Variants in ZNF223 observed in about 807,000 individuals in gnomAD.
The protein encoded by ZNF223 is zinc finger protein 223, also known as Homo sapiens zinc finger protein 223.
In ZNF223, 9 loss-of-function variants were observed where a neutral mutation model predicts 12.3. The observed-to-expected ratio is 0.73, with a 90% CI of 0.44 to 1.28. The LOEUF (loss-of-function observed/expected upper bound fraction) is 1.28. Ranked by LOEUF, ZNF223 falls within the 50% of genes most tolerant of loss-of-function variation. The pLI, the probability that ZNF223 is intolerant of heterozygous loss-of-function variation, is 0.00. For missense variants in ZNF223, 506 were observed against 579.0 expected (o/e 0.87, Z 1.29); for synonymous variants, 171 against 195.2 (o/e 0.88, Z 1.03).
rs1434331732 is a variant in ZNF223, at chr19:44,060,343, T to A, written c.16-112T>A. Reference sequence around the variant, plus strand: ...TGGGAATTCTATAAGTTGACCTACATCTCTGAAGATCCTGAAAAACTTTCC... The same window carrying A: ...TGGGAATTCTATAAGTTGACCTACAACTCTGAAGATCCTGAAAAACTTTCC... On this transcript the variant is annotated intron_variant, in intron 2 of 4. Coordinates refer to ENST00000434772, the MANE Select transcript of ZNF223 (RefSeq NM_013361.6). 4 of 1,506,048 alleles carry A rather than the reference T, an allele frequency of 2.7e-6. No individual in the cohort carries two copies. In the East Asian group the frequency reaches 9.1e-5, roughly 34 times the overall value. The allele number at this position is 1,506,048 out of a possible 1,614,324, so 93.3% of individuals were successfully genotyped here.
chr19:44,059,987 T>G (rs996929836), intron 2 of ZNF223, among the ~76,000 whole-genome samples: 2 of 152,114 alleles, frequency 1.3e-5, no homozygotes, highest in Non-Finnish European at 2.9e-5. Context: ...GAACCGCAAA[T>G]TACCAACAGG....
chr19:44,052,528 G>A (rs1976714873), intron 1 of ZNF223, among the ~76,000 whole-genome samples: 1 of 152,148 alleles, frequency 6.6e-6, no homozygotes, highest in South Asian at 2.1e-4. Flanking sequence ...TTGGTGAGTG[G>A]TCTCTTGTTG....
At chr19:44,062,893 A>G (rs1976860293) in intron 4 of ZNF223, among the ~76,000 whole-genome samples, 1 of 152,170 alleles carries the variant, frequency 6.6e-6, no homozygotes, top group Admixed American at 6.5e-5. Flanking sequence ...AGAGGACACA[A>G]GTTATGTAGC....
At chr19:44,060,406 C>A in intron 2 of ZNF223, 49 bp from the exon 3 acceptor site, 1 of 1,606,064 alleles carries the variant, frequency 6.2e-7, no homozygotes, top group Non-Finnish European at 8.5e-7. Context: ...CCTTCTCTCC[C>A]AGTAACCATT....
Position 44,066,896 on chromosome 19 carries a change from C to T in ZNF223, c.1068C>T (p.Ser356=). Residue 356 remains serine (S), a synonymous_variant, in exon 5 of 5, where the codon TCC becomes TCT. Coordinates refer to ENST00000434772, the MANE Select transcript of ZNF223 (RefSeq NM_013361.6). ...AATGTGGGAAGAGCTTCAGACGGTC[C>T]TCCTATCTTTTGATCCATCAGCGAG... The part of the protein sequence containing the change: ...CKECGKSFRR[S]SYLLIHQRVH... The T allele has an allele frequency of 6.2e-7, 1 of 1,614,042 alleles. No individual in the cohort carries two copies. The highest frequency in any genetic ancestry group is 2.2e-5 in the East Asian group (1 of 44,872).
chr19:44,052,333 G>C (rs1350107622), intron 1 of ZNF223, 138 bp downstream of exon 1: 1 of 152,152 alleles, frequency 6.6e-6, no homozygotes, highest in Non-Finnish European at 1.5e-5. Context: ...CTTTGACCTC[G>C]CTCAGTCCGC....
intron 2 of ZNF223, among the ~76,000 whole-genome samples, chr19:44,059,056 T>G (rs1976804346): frequency 6.6e-6 from 1 of 152,182 alleles, no homozygotes; most frequent in Non-Finnish European, 1.5e-5. Flanking sequence ...AAGGCTCAGG[T>G]GCACACAGCA....
intron 2 of ZNF223, among the ~76,000 whole-genome samples, chr19:44,056,146 C>G (rs534858414): frequency 1.2e-4 from 18 of 152,112 alleles, no homozygotes; most frequent in African/African-American, 3.4e-4. Flanking sequence ...ACTCATTGTT[C>G]CAAGTACCCA....
chr19:44,064,459 A>G (rs980118498), intron 4 of ZNF223, among the ~76,000 whole-genome samples: 1 of 152,194 alleles, frequency 6.6e-6, no homozygotes, highest in Non-Finnish European at 1.5e-5. Flanking sequence ...CAAAACAGAA[A>G]AATAAGATTA....
chr19:44,059,445 G>A (rs931450461), intron 2 of ZNF223, among the ~76,000 whole-genome samples: 3 of 152,140 alleles, frequency 2.0e-5, no homozygotes, highest in Non-Finnish European at 2.9e-5. Flanking sequence ...GAAGGATGCT[G>A]GTGTGGTTTA....
chr19:44,066,294 TC>T lies in ZNF223; in HGVS notation c.468del (p.Phe157SerfsTer139), dbSNP rs1323238029. On this transcript the variant is annotated frameshift_variant, in exon 5 of 5. Transcript: ENST00000434772. LOFTEE classifies it low-confidence loss of function (END_TRUNC). ...KPSNCGKCKQ[S>X]FSDMSIFDLP... ...TTCCAATTGTGGGAAGTGTAAACAA[TC>T]CTTCAGTGATATGTCCATCTTTGAT... is the stretch of plus-strand genomic sequence containing the variant. 2 of 1,614,164 alleles carry T rather than the reference TC, an allele frequency of 1.2e-6. No individual in the cohort carries two copies. Among genetic ancestry groups the T allele is most frequent in the Admixed American group, 3.3e-5 (2 of 60,020 alleles).
At chr19:44,058,236 G>A (rs561416853) in intron 2 of ZNF223, among the ~76,000 whole-genome samples, 80 of 152,260 alleles carry the variant, frequency 5.3e-4, no homozygotes, top group African/African-American at 1.8e-3. Flanking sequence ...GCTGGGTGGG[G>A]TCTGCACCCC....
At chr19:44,064,171 T>C (rs1033110073) in intron 4 of ZNF223, among the ~76,000 whole-genome samples, 5 of 152,216 alleles carry the variant, frequency 3.3e-5, no homozygotes, top group East Asian at 1.9e-4. Flanking sequence ...CACACTGTGA[T>C]AATTTTCATT....
intron 4 of ZNF223, 85 bp from the exon 5 acceptor site, chr19:44,065,979 T>A (rs920442612): frequency 1.2e-5 from 18 of 1,504,758 alleles, no homozygotes; most frequent in Non-Finnish European, 1.3e-5. Flanking sequence ...TCGTTGAAGT[T>A]TCATACCATG....
intron 4 of ZNF223, among the ~76,000 whole-genome samples, chr19:44,062,464 G>T (rs774104371): frequency 7.9e-5 from 12 of 152,072 alleles, no homozygotes; most frequent in Middle Eastern, 3.4e-3. Context: ...TTTATGTCCT[G>T]TTGGTTGAAT....
In ZNF223 at chr19:44,052,057, T is replaced by C. The variant is rs1472614561; in HGVS notation, c.-207T>C. On this transcript the variant is annotated 5_prime_UTR_variant, in exon 1 of 5. It removes an upstream start codon present in the reference 5' UTR. Transcript: ENST00000434772. ...TCCTAGTCTGAGGTTCCTGCTTTAATGACCGGGGTAGTTTGAGCCATTTCT... is the reference window on the plus strand; with the variant it reads ...TCCTAGTCTGAGGTTCCTGCTTTAACGACCGGGGTAGTTTGAGCCATTTCT... The C allele has an allele frequency of 6.6e-6, 1 of 152,326 alleles. No individual in the cohort carries two copies. Among genetic ancestry groups the C allele is most frequent in the African/African-American group, 2.4e-5 (1 of 41,442 alleles). The allele number at this position is 152,326 out of a possible 1,614,324, so 9.4% of individuals were successfully genotyped here. A position where few individuals can be genotyped will look rare whatever the true frequency, so the allele number is the denominator to read the frequency against.
chr19:44,063,357 A>G (rs4444434), intron 4 of ZNF223: 123,763 of 152,262 alleles, frequency 0.81, 50,814 homozygotes, highest in Non-Finnish European at 0.87. Flanking sequence ...AGGCTCTGTT[A>G]TGCACGCCCC....
upstream of ZNF223, chr19:44,051,807 C>G (rs951559719): frequency 6.6e-6 from 1 of 152,200 alleles, no homozygotes; most frequent in Non-Finnish European, 1.5e-5. Flanking sequence ...CTCAGGTAGG[C>G]GTTTCCGGAG....
intron 4 of ZNF223, among the ~76,000 whole-genome samples, chr19:44,061,402 A>G (rs1417751481): frequency 6.6e-6 from 1 of 152,200 alleles, no homozygotes; most frequent in Non-Finnish European, 1.5e-5. Context: ...CTGGATGTTC[A>G]TGGGGAGAAG....
Sources: allele counts gnomAD v4.1 joint callset (sites outside exome capture counted in the v4.1 genomes callset), GRCh38; gene constraint gnomAD v4.1.1; transcripts MANE v1.5; gene names NCBI Gene and HGNC (gene_info 2026-07-23, HGNC 2026-07-21).